NUBPL: variants seen among roughly 807,000 people sequenced by gnomAD.
The protein encoded by NUBPL is iron-sulfur cluster transfer protein NUBPL.
Under a neutral mutation model 45.7 loss-of-function variants are expected in NUBPL, and 31 were observed. The observed-to-expected ratio is 0.68, with a 90% CI of 0.51 to 0.92. The LOEUF is 0.92. Among genes scored for constraint, NUBPL ranks in the 40% least tolerant of loss-of-function variants. The pLI is 0.00. For missense variants in NUBPL, 401 were observed against 398.7 expected (o/e 1.01, Z -0.05); for synonymous variants, 144 against 140.9 (o/e 1.02, Z -0.15).
chr14:31,623,432 G>A (rs1013125405), intron 4 of NUBPL, among the ~76,000 whole-genome samples: 3 of 152,152 alleles, frequency 2.0e-5, no homozygotes, highest in African/African-American at 4.8e-5. Context: ...ATAAGATTTG[G>A]GTGGGGCTGG....
At chr14:31,575,323 T>TA (rs2033690692) in intron 3 of NUBPL, among the ~76,000 whole-genome samples, 1 of 152,246 alleles carries the variant, frequency 6.6e-6, no homozygotes, top group East Asian at 1.9e-4. Flanking sequence ...CATTAATAAA[T>TA]ATGTATATAG....
intron 7 of NUBPL, among the ~76,000 whole-genome samples, chr14:31,817,147 A>C (rs1391781009): frequency 6.6e-6 from 1 of 152,118 alleles, no homozygotes; most frequent in African/African-American, 2.4e-5. Flanking sequence ...AATGAAAAGG[A>C]ATGAACAAAG....
intron 4 of NUBPL, among the ~76,000 whole-genome samples, chr14:31,635,961 A>G (rs1202405944): frequency 6.6e-6 from 1 of 152,184 alleles, no homozygotes; most frequent in African/African-American, 2.4e-5. Context: ...ACTTTGCTGA[A>G]GTTACTTATC....
At chr14:31,639,952 G>C (rs1052378452) in intron 4 of NUBPL, among the ~76,000 whole-genome samples, 1 of 152,176 alleles carries the variant, frequency 6.6e-6, no homozygotes, top group South Asian at 2.1e-4. Flanking sequence ...CGCAGTATTA[G>C]GGTGGGAGTG....
At chr14:31,785,171 A>G (rs1038048548) in intron 6 of NUBPL, among the ~76,000 whole-genome samples, 4 of 152,158 alleles carry the variant, frequency 2.6e-5, no homozygotes, top group African/African-American at 9.7e-5. Flanking sequence ...TGCTGTCTGA[A>G]CTCTTCATAC....
intron 10 of NUBPL, among the ~76,000 whole-genome samples, chr14:31,850,670 GA>G (rs1182926894): frequency 3.3e-5 from 5 of 151,924 alleles, no homozygotes; most frequent in African/African-American, 1.2e-4. Context: ...ACCCAGGCTG[GA>G]GTACAATTGT....
chr14:31,660,656 TC>T lies in NUBPL; in HGVS notation c.383-12695del, dbSNP rs2036247439. On this transcript the variant is annotated intron_variant, in intron 4 of 10. Transcript: ENST00000281081. ...TGTATATTCTTGATTATACTCTCTG[TC>T]CCCATTTTAAGAAATGGATTTAATG... Among the ~76,000 whole-genome samples the T allele has an allele frequency of 2.6e-5, 4 of 152,224 alleles. No homozygotes were observed. In the South Asian group the frequency reaches 8.3e-4, roughly 31 times the overall value.
chr14:31,572,568 T>A (rs532680238), intron 3 of NUBPL, among the ~76,000 whole-genome samples: 1 of 152,346 alleles, frequency 6.6e-6, no homozygotes, highest in East Asian at 1.9e-4. Context: ...ACAGGCAGAT[T>A]TGAAAGTATT....
intron 6 of NUBPL, among the ~76,000 whole-genome samples, chr14:31,684,501 C>A (rs1330788844): frequency 1.3e-5 from 2 of 152,142 alleles, no homozygotes; most frequent in Admixed American, 1.3e-4. Context: ...GTTTTGGGGA[C>A]CACTCTGGTG....
At chr14:31,592,706 T>C (rs1595335952) in intron 3 of NUBPL, among the ~76,000 whole-genome samples, 2 of 152,170 alleles carry the variant, frequency 1.3e-5, no homozygotes, top group East Asian at 1.9e-4. Context: ...CAAGGCTTAG[T>C]AGCAAATTTT....
At chr14:31,779,124 C>A (rs2039148032) in intron 6 of NUBPL, among the ~76,000 whole-genome samples, 1 of 151,818 alleles carries the variant, frequency 6.6e-6, no homozygotes, top group African/African-American at 2.4e-5. Context: ...GGTGGATTAC[C>A]TGAGGTCGTG....
intron 6 of NUBPL, among the ~76,000 whole-genome samples, chr14:31,713,032 G>A (rs1247577790): frequency 6.6e-6 from 1 of 152,190 alleles, no homozygotes; most frequent in Non-Finnish European, 1.5e-5. Flanking sequence ...TCATTGTCTG[G>A]ATGTGGTGAT....
intron 6 of NUBPL, among the ~76,000 whole-genome samples, chr14:31,756,704 C>A (rs2038673226): frequency 6.7e-6 from 1 of 149,872 alleles, no homozygotes; most frequent in South Asian, 2.2e-4. Context: ...CCTTCTCCTG[C>A]CTAATTGCCC....
intron 6 of NUBPL, among the ~76,000 whole-genome samples, chr14:31,757,845 C>G (rs2038704825): frequency 6.6e-6 from 1 of 152,098 alleles, no homozygotes; most frequent in Non-Finnish European, 1.5e-5. Context: ...CTGACCTCTA[C>G]TTACCTCATC....
At chr14:31,599,116 C>G (rs2034356816) in intron 3 of NUBPL, 173 bp from the exon 4 acceptor site, 2 of 650,840 alleles carry the variant, frequency 3.1e-6, no homozygotes, top group East Asian at 2.8e-5. Flanking sequence ...AATTTATGCT[C>G]TTTTACTTAA....
In NUBPL at chr14:31,841,753, A is replaced by C. The variant is rs112377410; in HGVS notation, c.694-4718A>C. ...TTTTTTTCTAAAAGTGTTATTATTTACCTGTCATATTTAGCTCTAAAATTC... is the reference window on the plus strand; with the variant it reads ...TTTTTTTCTAAAAGTGTTATTATTTCCCTGTCATATTTAGCTCTAAAATTC... On this transcript the variant is annotated intron_variant, in intron 8 of 10. Transcript: ENST00000281081. Among the ~76,000 whole-genome samples, 435 of 151,920 alleles carry C rather than the reference A, an allele frequency of 2.9e-3. 6 individuals carry two copies. Among genetic ancestry groups the C allele is most frequent in the Middle Eastern group, 6.8e-3 (2 of 294 alleles).
At chr14:31,712,893 G>T (rs1467131422) in intron 6 of NUBPL, among the ~76,000 whole-genome samples, 1 of 152,192 alleles carries the variant, frequency 6.6e-6, no homozygotes, top group Admixed American at 6.5e-5. Flanking sequence ...ATGTAATTAT[G>T]TGTGGGAAAA....
At chr14:31,767,559 A>G (rs999319468) in intron 6 of NUBPL, among the ~76,000 whole-genome samples, 3 of 152,218 alleles carry the variant, frequency 2.0e-5, no homozygotes, top group African/African-American at 7.2e-5. Flanking sequence ...GTAGCAAAGC[A>G]GTATCCCCAC....
At chr14:31,664,011 A>C (rs141622540) in intron 4 of NUBPL, among the ~76,000 whole-genome samples, 7 of 152,174 alleles carry the variant, frequency 4.6e-5, no homozygotes, top group African/African-American at 1.4e-4. Flanking sequence ...TATGAATGGG[A>C]GTTCACTCAT....
Sources: gnomAD v4.1 joint callset for allele counts (sites outside exome capture counted in the v4.1 genomes callset) on GRCh38, gnomAD v4.1.1 for gene constraint, MANE v1.5 for transcripts, NCBI Gene and HGNC (gene_info 2026-07-23, HGNC 2026-07-21) for gene names.